GANC: variants seen among roughly 807,000 people sequenced by gnomAD.
GANC encodes the protein glucosidase alpha, neutral C, also known as neutral alpha-glucosidase C.
GANC carries 117 observed loss-of-function variants against 124.2 expected under a neutral mutation model. The observed-to-expected ratio is 0.94, with a 90% confidence interval of 0.81 to 1.10. The LOEUF is 1.10. GANC is among the 50% of genes least tolerant of loss of function. The probability of loss-of-function intolerance (pLI) is 0.00; values close to 1 mark genes in which losing one functional copy is unlikely to be tolerated. For missense variants in GANC, 1,140 were observed against 1,095.0 expected, an observed-to-expected ratio of 1.04 and a Z score of -0.58; for synonymous variants, 377 against 376.8, an observed-to-expected ratio of 1.00 and a Z score of -0.01.
intron 15 of GANC, among the ~76,000 whole-genome samples, 154 bp from the exon 16 acceptor site, chr15:42,338,235 C>T (rs1047105739): frequency 2.6e-5 from 4 of 152,120 alleles, no homozygotes; most frequent in Admixed American, 2.0e-4. Context: ...AAAATTGATA[C>T]TTTTCATTGT....
At chr15:42,296,642 A>C (rs993394248) in intron 5 of GANC, among the ~76,000 whole-genome samples, 3 of 152,134 alleles carry the variant, frequency 2.0e-5, no homozygotes, top group Non-Finnish European at 4.4e-5. Flanking sequence ...ATCTACCCGC[A>C]TTGGCCTCCC....
intron 17 of GANC, among the ~76,000 whole-genome samples, chr15:42,340,217 A>G (rs1278248568): frequency 1.3e-5 from 2 of 152,242 alleles, no homozygotes; most frequent in Non-Finnish European, 2.9e-5. Context: ...TATTTAACCT[A>G]TCAGTATCTT....
In GANC at chr15:42,352,457, C is replaced by T. The variant is rs975039768; in HGVS notation, c.*318C>T. On this transcript the variant is annotated 3_prime_UTR_variant, in exon 24 of 24. Transcript: ENST00000318010. ...GCAGGGCTGCGTGGGTCTGTTTTAA[C>T]GTGGGCCAAGCCTACCTGGGCAGCC... 6 of 1,070,408 alleles carry T rather than the reference C, an allele frequency of 5.6e-6. No homozygotes were observed. Among genetic ancestry groups the T allele is most frequent in the East Asian group, 7.3e-5 (1 of 13,652 alleles). The allele number at this position is 1,070,408 out of a possible 1,614,324, so 66.3% of individuals were successfully genotyped here.
rs371419086 is a variant in GANC at position 42,340,722 on chromosome 15, A to G, written c.2120A>G (p.Lys707Arg). ...TGGGTAGAGTTCCCTGATGAACTAAAGACTTTTGATATGGAAGATGAATAC... is the reference window on the plus strand; with the variant it reads ...TGGGTAGAGTTCCCTGATGAACTAAGGACTTTTGATATGGAAGATGAATAC... ...PLWVEFPDEL[K>R]TFDMEDEYML... The change falls in exon 18 of 24, where the codon AAG becomes AGG. Residue 707 changes from lysine to arginine, a missense_variant. Physicochemically the swap from Lys to Arg is conservative, Grantham distance 26 (BLOSUM62 2). Coordinates refer to ENST00000318010, the MANE Select transcript of GANC (RefSeq NM_198141.3). The G allele has an allele frequency of 4.1e-5, 66 of 1,606,702 alleles. No homozygotes were observed. Among genetic ancestry groups the G allele is most frequent in the Non-Finnish European group, 5.3e-5 (63 of 1,178,752 alleles).
intron 11 of GANC, 59 bp downstream of exon 11, chr15:42,322,079 A>C: frequency 7.0e-7 from 1 of 1,430,086 alleles, no homozygotes; most frequent in Non-Finnish European, 9.6e-7. Flanking sequence ...AATGTTTTAG[A>C]CTTGCCTTGG....
chr15:42,352,225 A>G lies in GANC; in HGVS notation c.*86A>G, dbSNP rs2052452037. ...CACCTTTTTTGAGATTTTTGCTGCA[A>G]TCTGTTTGCCTTCCCTGAATCAAAA... On this transcript the variant is annotated 3_prime_UTR_variant, in exon 24 of 24. Coordinates refer to ENST00000318010, the MANE Select transcript of GANC (RefSeq NM_198141.3). 6.4e-7 allele frequency: 1 copy of G among 1,570,010 alleles called. No individual in the cohort carries two copies. Among genetic ancestry groups the G allele is most frequent in the East Asian group, 2.3e-5 (1 of 43,852 alleles).
intron 20 of GANC, 36 bp from the exon 21 acceptor site, chr15:42,348,067 G>T (rs760677502): frequency 1.0e-5 from 12 of 1,163,720 alleles, no homozygotes; most frequent in Non-Finnish European, 1.5e-5. Flanking sequence ...TTTCTTATAT[G>T]AATACTGCTT....
chr15:42,331,411 G>A (rs764634661), intron 15 of GANC, among the ~76,000 whole-genome samples: 1 of 152,194 alleles, frequency 6.6e-6, no homozygotes, highest in African/African-American at 2.4e-5. Flanking sequence ...CGTGTGGTCA[G>A]GGTCATCTAT....
At chr15:42,286,023 T>TG (rs1433140044) in intron 3 of GANC, among the ~76,000 whole-genome samples, 1 of 152,030 alleles carries the variant, frequency 6.6e-6, no homozygotes, top group Admixed American at 6.5e-5. Context: ...TTTTTTTTTT[T>TG]GTAGAGAAAG....
chr15:42,308,331 A>G lies in GANC; in HGVS notation c.722+13A>G. The G allele has an allele frequency of 6.5e-7, 1 of 1,535,510 alleles. No individual in the cohort carries two copies. Among genetic ancestry groups the G allele is most frequent in the Non-Finnish European group, 9.0e-7 (1 of 1,110,522 alleles). On this transcript the variant is annotated intron_variant, in intron 8 of 23. Transcript: ENST00000318010. ...TTAAAAATACTGGGTAAGTGAAAAC[A>G]AGAATTCTTATGGGAGTCTCTGGTT... is the stretch of plus-strand genomic sequence containing the variant.
intron 10 of GANC, among the ~76,000 whole-genome samples, chr15:42,319,138 A>G (rs1201541443): frequency 6.6e-6 from 1 of 151,942 alleles, no homozygotes; most frequent in Non-Finnish European, 1.5e-5. Flanking sequence ...TCTGCTTTCA[A>G]GGAGCTCTTT....
rs778281543 is a variant in GANC at position 42,326,262 on chromosome 15, A to C, written c.1294-36A>C. On this transcript the variant is annotated intron_variant, in intron 11 of 23. Coordinates refer to ENST00000318010, the MANE Select transcript of GANC (RefSeq NM_198141.3). ...ATACGTGAACATTTGTCTTACATAAAACTGATGAGACCTCCAAACCTTCAT... is the reference window on the plus strand; with the variant it reads ...ATACGTGAACATTTGTCTTACATAACACTGATGAGACCTCCAAACCTTCAT... 8 of 1,474,812 alleles carry C rather than the reference A, an allele frequency of 5.4e-6. No individual in the cohort carries two copies. In the Admixed American group the frequency reaches 1.2e-4, roughly 22 times the overall value. 91.4% of individuals were successfully genotyped at this position (1,474,812 alleles called of 1,614,324 possible). A position where few individuals can be genotyped will look rare whatever the true frequency, so the allele number is the denominator to read the frequency against.
rs766605226 is a variant in GANC at position 42,276,428 on chromosome 15, A to C, written c.92+18A>C. 1 of 1,206,662 alleles carries C rather than the reference A, an allele frequency of 8.3e-7. No individual in the cohort carries two copies. Among genetic ancestry groups the C allele is most frequent in the South Asian group, 1.2e-5 (1 of 81,654 alleles). 74.7% of individuals were successfully genotyped at this position (1,206,662 alleles called of 1,614,324 possible). Reference sequence around the variant, plus strand: ...TTTTACAGGTAAGGAAAATAAATATAGTAGCTAGATCAAAACATCTCTGAC... The same window carrying C: ...TTTTACAGGTAAGGAAAATAAATATCGTAGCTAGATCAAAACATCTCTGAC... On this transcript the variant is annotated intron_variant, in intron 2 of 23. Coordinates refer to ENST00000318010, the MANE Select transcript of GANC (RefSeq NM_198141.3).
chr15:42,348,789 T>C (rs2052391575), intron 21 of GANC, among the ~76,000 whole-genome samples: 1 of 152,212 alleles, frequency 6.6e-6, no homozygotes, highest in African/African-American at 2.4e-5. Context: ...TAATACTCAC[T>C]TGCATTGATA....
At chr15:42,296,140 C>T (rs1267437610) in intron 5 of GANC, among the ~76,000 whole-genome samples, 1 of 135,982 alleles carries the variant, frequency 7.4e-6, no homozygotes, top group Non-Finnish European at 1.5e-5. Context: ...AAAACTCTGT[C>T]TCAAAAAAAA....
intron 10 of GANC, chr15:42,314,956 A>G (rs879775336): frequency 1.3e-4 from 20 of 152,246 alleles, no homozygotes; most frequent in African/African-American, 2.7e-4. Context: ...ATGCCACCAT[A>G]CACTTCATAC....
intron 16 of GANC, 108 bp downstream of exon 16, chr15:42,338,598 A>C: frequency 1.3e-6 from 1 of 785,528 alleles, no homozygotes. Context: ...GGCAGACATA[A>C]ATGTGGGAAA....
At chr15:42,290,414 A>C (rs1050467307) in intron 4 of GANC, among the ~76,000 whole-genome samples, 2 of 152,240 alleles carry the variant, frequency 1.3e-5, no homozygotes, top group African/African-American at 4.8e-5. Flanking sequence ...CTGCAGGTAC[A>C]TATAGCTGAA....
At chr15:42,312,399 G>A (rs1003980074) in intron 10 of GANC, among the ~76,000 whole-genome samples, 2 of 152,144 alleles carry the variant, frequency 1.3e-5, no homozygotes, top group African/African-American at 4.8e-5. Context: ...AGATGTGATG[G>A]TTATAAAAAG....
Sources: allele counts gnomAD v4.1 joint callset (sites outside exome capture counted in the v4.1 genomes callset), GRCh38; gene constraint gnomAD v4.1.1; transcripts MANE v1.5; gene names NCBI Gene and HGNC (gene_info 2026-07-23, HGNC 2026-07-21).